ABHD18: variants seen among roughly 807,000 people sequenced by gnomAD.
ABHD18 encodes the protein cardiolipin-specific deacylase, mitochondrial.
In ABHD18, 55 loss-of-function variants were observed where a neutral mutation model predicts 65.9. That is an observed-to-expected ratio of 0.84 (90% CI 0.67 to 1.05). The LOEUF is 1.05. Ranked by LOEUF, ABHD18 falls within the 50% of genes least tolerant of loss-of-function variation. The pLI is 0.00. For missense variants in ABHD18, 533 were observed against 558.5 expected, an observed-to-expected ratio of 0.95 and a Z score of 0.46; for synonymous variants, 181 against 180.2, an observed-to-expected ratio of 1.00 and a Z score of -0.04.
chr4:128,034,027 T>G (rs890478746), intron 12 of ABHD18, among the ~76,000 whole-genome samples: 1 of 150,252 alleles, frequency 6.7e-6, no homozygotes, highest in African/African-American at 2.5e-5. Flanking sequence ...GGCGCGATCT[T>G]GGCTCACTGC....
chr4:128,028,385 G>T, intron 10 of ABHD18, 90 bp from the exon 11 acceptor site: 2 of 939,548 alleles, frequency 2.1e-6, no homozygotes, highest in Non-Finnish European at 1.5e-6. Context: ...ATTCATTGAT[G>T]GACATTTGTC....
At chr4:127,974,193 T>C (rs12233767) in intron 1 of ABHD18, among the ~76,000 whole-genome samples, 1 of 123,644 alleles carries the variant, frequency 8.1e-6, no homozygotes, top group Admixed American at 8.3e-5. Context: ...GTTCTGTTTT[T>C]TTTTTTTTTT....
chr4:128,022,251 C>G (rs1756625091), intron 10 of ABHD18, among the ~76,000 whole-genome samples: 1 of 152,166 alleles, frequency 6.6e-6, no homozygotes, highest in Admixed American at 6.5e-5. Context: ...ATCAATCAAT[C>G]TGTAAAAAAG....
chr4:128,028,957 A>AT (rs60474657), intron 11 of ABHD18, 104 bp downstream of exon 11: 5 of 982,998 alleles, frequency 5.1e-6, no homozygotes, highest in South Asian at 4.4e-5. Flanking sequence ...TCAAGGGTAT[A>AT]TTTTTTTGTT....
rs202173542 is a variant in ABHD18, at chr4:127,993,792, G to GT, written c.278+3976dup. Among the ~76,000 whole-genome samples the GT allele has an allele frequency of 8.0e-3, 1,221 of 152,122 alleles. 19 individuals are homozygous for GT. Among genetic ancestry groups the GT allele is most frequent in the African/African-American group, 0.028 (1,149 of 41,478 alleles). The stretch of plus-strand genomic sequence containing the variant: ...TTATGGTGCACATTTAAGTTGCATT[G>GT]TTTTTCACTATTATAAACAACATCA... On this transcript the variant is annotated intron_variant, in intron 4 of 12. Transcript: ENST00000645843.
Position 127,994,707 on chromosome 4 carries a change from G to A in ABHD18, c.278+4886G>A, listed in dbSNP as rs189660066. ...AGATTGAATTCTAATACAAGTTCAG[G>A]AAAATTTAATATTTATCTTCTGGTA... On this transcript the variant is annotated intron_variant, in intron 4 of 12. Transcript: ENST00000645843. 2.6e-3 allele frequency among the ~76,000 whole-genome samples: 397 copies of A among 152,152 alleles called. 2 individuals carry two copies. Among genetic ancestry groups the A allele is most frequent in the Non-Finnish European group, 2.3e-3 (155 of 67,994 alleles).
intron 4 of ABHD18, among the ~76,000 whole-genome samples, chr4:127,996,505 A>G (rs745451133): frequency 1.3e-5 from 2 of 152,198 alleles, no homozygotes; most frequent in African/African-American, 4.8e-5. Context: ...AGGGCAGTAA[A>G]GATCACAGGC....
intron 1 of ABHD18, among the ~76,000 whole-genome samples, chr4:127,967,723 A>C (rs2149028349): frequency 6.6e-6 from 1 of 151,620 alleles, no homozygotes; most frequent in East Asian, 1.9e-4. Flanking sequence ...AAAAAAAAAG[A>C]AAATGTCTCT....
chr4:127,982,952 A>G lies in ABHD18; in HGVS notation c.-4A>G, dbSNP rs1163482567. ...TTTGTTTTATAGATGCTTGTTTGCT[A>G]CTGATGGGTGTGAGCAAGTTAGATA... On this transcript the variant is annotated 5_prime_UTR_variant, in exon 2 of 13. Coordinates refer to ENST00000645843, the MANE Select transcript of ABHD18 (RefSeq NM_001358451.3). 1.3e-6 allele frequency: 2 copies of G among 1,541,200 alleles called. No individual in the cohort carries two copies. Among genetic ancestry groups the G allele is most frequent in the Non-Finnish European group, 1.8e-6 (2 of 1,142,276 alleles).
intron 1 of ABHD18, among the ~76,000 whole-genome samples, chr4:127,981,989 G>A (rs1749141191): frequency 6.6e-6 from 1 of 152,090 alleles, no homozygotes; most frequent in African/African-American, 2.4e-5. Context: ...CAGCCCAATT[G>A]ATGGTGGGTT....
At chr4:127,970,018 G>C (rs933395002) in intron 1 of ABHD18, among the ~76,000 whole-genome samples, 2 of 151,818 alleles carry the variant, frequency 1.3e-5, no homozygotes, top group Non-Finnish European at 2.9e-5. Context: ...CAAAGTGCTA[G>C]GATTACAATC....
intron 1 of ABHD18, among the ~76,000 whole-genome samples, chr4:127,975,497 G>A (rs2149049473): frequency 6.6e-6 from 1 of 152,284 alleles, no homozygotes; most frequent in South Asian, 2.1e-4. Flanking sequence ...TCCTTTGTAT[G>A]ACTGAATATA....
At chr4:127,986,822 T>C (rs1238127806) in intron 3 of ABHD18, among the ~76,000 whole-genome samples, 2 of 152,186 alleles carry the variant, frequency 1.3e-5, no homozygotes, top group African/African-American at 4.8e-5. Context: ...AAGTGTGAAT[T>C]GGCCATTTAT....
chr4:127,969,354 A>G (rs1041115554), intron 1 of ABHD18, among the ~76,000 whole-genome samples: 1 of 151,874 alleles, frequency 6.6e-6, no homozygotes, highest in Non-Finnish European at 1.5e-5. Flanking sequence ...GGTGCCCACC[A>G]TCACACCTGG....
In ABHD18 at chr4:128,015,300, G is replaced by T. The variant is rs559161584; in HGVS notation, c.471-2063G>T. ...TTTAAATCACAGATACTTCTCTGTC[G>T]CTCTCTCTTTTTAAAAAGCCATCTT... On this transcript the variant is annotated intron_variant, in intron 7 of 12. Transcript: ENST00000645843. Among the ~76,000 whole-genome samples the T allele has an allele frequency of 7.2e-5, 11 of 152,134 alleles. No individual in the cohort carries two copies. In the East Asian group the frequency reaches 2.1e-3, roughly 29 times the overall value.
intron 4 of ABHD18, among the ~76,000 whole-genome samples, chr4:127,993,276 T>C (rs533001877): frequency 5.6e-4 from 86 of 152,330 alleles, no homozygotes; most frequent in Non-Finnish European, 1.1e-3. Context: ...AGGAAAATTA[T>C]GTGCTTTTAC....
At chr4:127,983,235 C>A (rs1749362125) in intron 2 of ABHD18, among the ~76,000 whole-genome samples, 188 bp downstream of exon 2, 1 of 152,144 alleles carries the variant, frequency 6.6e-6, no homozygotes, top group Non-Finnish European at 1.5e-5. Flanking sequence ...TAGCCCATAT[C>A]ATAAATGATA....
chr4:127,983,676 T>C (rs1749446053), intron 2 of ABHD18, among the ~76,000 whole-genome samples: 2 of 152,176 alleles, frequency 1.3e-5, no homozygotes, highest in South Asian at 2.1e-4. Flanking sequence ...ACAGCCTGGC[T>C]AACATAGTGA....
At chr4:128,020,031 T>C in intron 8 of ABHD18, 49 bp from the exon 9 acceptor site, 1 of 1,229,682 alleles carries the variant, frequency 8.1e-7, no homozygotes, top group South Asian at 1.5e-5. Context: ...TATTTTTATT[T>C]TAATGAATAG....
Sources: allele counts gnomAD v4.1 joint callset (sites outside exome capture counted in the v4.1 genomes callset), GRCh38; gene constraint gnomAD v4.1.1; transcripts MANE v1.5; gene names NCBI Gene and HGNC (gene_info 2026-07-23, HGNC 2026-07-21).